The following CDH12 variants were observed in gnomAD, a reference collection of about 807,000 sequenced individuals.
CDH12 encodes the protein cadherin-12.
Under a neutral mutation model 74.1 loss-of-function variants are expected in CDH12, and 41 were observed. The ratio of observed to expected loss-of-function variants is 0.55; its 90% CI spans 0.43 to 0.72. The LOEUF is 0.72. CDH12 is among the 30% of genes least tolerant of loss of function. CDH12 has a pLI of 0.00. For synonymous variants in CDH12, 399 were observed against 355.0 expected (o/e 1.12, Z -1.39); for missense variants, 945 against 977.2 (o/e 0.97, Z 0.44).
At chr5:22,767,353 G>A (rs1329476915) in intron 1 of CDH12, among the ~76,000 whole-genome samples, 2 of 151,864 alleles carry the variant, frequency 1.3e-5, no homozygotes, top group African/African-American at 4.8e-5. Flanking sequence ...ATTTCAGATT[G>A]ACTATTTTCC....
At chr5:22,259,360 T>C (rs958405283) in intron 3 of CDH12, among the ~76,000 whole-genome samples, 1 of 152,048 alleles carries the variant, frequency 6.6e-6, no homozygotes, top group African/African-American at 2.4e-5. Context: ...TTATTGTAGG[T>C]TCTAGAATTT....
chr5:22,745,201 A>T (rs1163683789), intron 1 of CDH12, among the ~76,000 whole-genome samples: 5 of 152,150 alleles, frequency 3.3e-5, no homozygotes, highest in Non-Finnish European at 7.4e-5. Flanking sequence ...TCTATAGATT[A>T]AAATTAGTAT....
At chr5:22,010,153 C>T (rs1402552164) in intron 5 of CDH12, among the ~76,000 whole-genome samples, 5 of 152,012 alleles carry the variant, frequency 3.3e-5, no homozygotes, top group Non-Finnish European at 7.4e-5. Flanking sequence ...TGAACTATTG[C>T]TTTACCATCA....
chr5:21,780,501 C>T (rs866806135), intron 11 of CDH12, among the ~76,000 whole-genome samples: 5 of 152,182 alleles, frequency 3.3e-5, no homozygotes, highest in African/African-American at 9.7e-5. Flanking sequence ...TCTGAGACAT[C>T]CATCTAGAGT....
chr5:22,523,283 T>C (rs933732080), intron 1 of CDH12, among the ~76,000 whole-genome samples: 3 of 152,180 alleles, frequency 2.0e-5, no homozygotes, highest in Admixed American at 6.5e-5. Flanking sequence ...TTTCATATAT[T>C]CAAATGTTAT....
chr5:22,222,113 G>T (rs1049532931), intron 3 of CDH12, among the ~76,000 whole-genome samples: 2 of 152,034 alleles, frequency 1.3e-5, no homozygotes, highest in Admixed American at 6.6e-5. Context: ...TGAGCAAATG[G>T]TATAATGCCC....
intron 6 of CDH12, among the ~76,000 whole-genome samples, chr5:21,956,440 C>A (rs1209228874): frequency 6.6e-6 from 1 of 151,944 alleles, no homozygotes; most frequent in Non-Finnish European, 1.5e-5. Flanking sequence ...TTATTATTCC[C>A]TCTCATGCAG....
intron 1 of CDH12, among the ~76,000 whole-genome samples, chr5:22,762,781 C>G (rs1319994506): frequency 6.6e-6 from 1 of 151,988 alleles, no homozygotes; most frequent in Non-Finnish European, 1.5e-5. Context: ...GCAAACATGT[C>G]TTGTATTAGG....
chr5:22,226,847 C>T (rs1446116051), intron 3 of CDH12, among the ~76,000 whole-genome samples: 1 of 151,974 alleles, frequency 6.6e-6, no homozygotes, highest in Non-Finnish European at 1.5e-5. Context: ...CAGGGGATGC[C>T]ACAAAGGGCC....
intron 4 of CDH12, among the ~76,000 whole-genome samples, chr5:22,111,114 A>G (rs1744789101): frequency 6.6e-6 from 1 of 151,964 alleles, no homozygotes; most frequent in Non-Finnish European, 1.5e-5. Context: ...GTACTTCAAA[A>G]TGTTCCCCAA....
At chr5:22,227,393 A>C (rs1021923914) in intron 3 of CDH12, among the ~76,000 whole-genome samples, 5 of 152,154 alleles carry the variant, frequency 3.3e-5, no homozygotes, top group African/African-American at 1.2e-4. Context: ...TTGTCTTTTA[A>C]GATAGAAACA....
chr5:22,005,424 G>C (rs951042332), intron 5 of CDH12, among the ~76,000 whole-genome samples: 1 of 152,106 alleles, frequency 6.6e-6, no homozygotes, highest in African/African-American at 2.4e-5. Flanking sequence ...ATTATGAATA[G>C]TGCTGCAATA....
chr5:22,693,324 C>T (rs1742181336), intron 1 of CDH12, among the ~76,000 whole-genome samples: 1 of 151,890 alleles, frequency 6.6e-6, no homozygotes, highest in Admixed American at 6.6e-5. Context: ...CAGCATTGAG[C>T]AAAAAAAGAA....
At chr5:22,838,769 G>A (rs987726959) in intron 1 of CDH12, among the ~76,000 whole-genome samples, 3 of 151,328 alleles carry the variant, frequency 2.0e-5, no homozygotes, top group African/African-American at 7.3e-5. Flanking sequence ...CTGCCTCCTG[G>A]GCTCAAGGGA....
At chr5:22,786,890 TTG>T (rs1406930699) in intron 1 of CDH12, among the ~76,000 whole-genome samples, 1 of 151,990 alleles carries the variant, frequency 6.6e-6, no homozygotes, top group Non-Finnish European at 1.5e-5. Context: ...GGCTAATTTT[TTG>T]TGTTTTTAAT....
At chr5:22,535,033 C>G (rs1170736536) in intron 1 of CDH12, among the ~76,000 whole-genome samples, 2 of 148,356 alleles carry the variant, frequency 1.3e-5, no homozygotes, top group African/African-American at 4.9e-5. Context: ...AGTGCAGTGG[C>G]CCGTCTCCGC....
chr5:21,792,673 T>C lies in CDH12; in HGVS notation c.1257-9179A>G, dbSNP rs891112925. ...GAACTGGAAGTTAACTTCAAAACTC[T>C]CTTCTCCTCTGCCATTCTGTTGGTT... On this transcript the variant is annotated intron_variant, in intron 10 of 14. Transcript: ENST00000382254. 2.0e-5 allele frequency among the ~76,000 whole-genome samples: 3 copies of C among 149,096 alleles called. No homozygotes were observed. In the Admixed American group the frequency reaches 2.0e-4, roughly 10 times the overall value.
At chr5:22,117,482 A>ATATATATAATATG (rs1561128930) in intron 4 of CDH12, among the ~76,000 whole-genome samples, 11 of 48,060 alleles carry the variant, frequency 2.3e-4, no homozygotes, top group African/African-American at 9.1e-4. Flanking sequence ...TATATATTAT[A>ATATATATAATATG]TATATATTAT....
intron 1 of CDH12, among the ~76,000 whole-genome samples, chr5:22,850,091 A>T (rs1737476334): frequency 6.6e-6 from 1 of 152,116 alleles, no homozygotes. Flanking sequence ...AAAACGTAGA[A>T]TAACATTATG....
Sources: allele counts gnomAD v4.1 joint callset (sites outside exome capture counted in the v4.1 genomes callset), GRCh38; gene constraint gnomAD v4.1.1; transcripts MANE v1.5; gene names NCBI Gene and HGNC (gene_info 2026-07-23, HGNC 2026-07-21).